TRMT11: variants seen among roughly 807,000 people sequenced by gnomAD.
TRMT11 encodes the protein tRNA methyltransferase 11.
In TRMT11, 53 loss-of-function variants were observed where a neutral mutation model predicts 62.8. The observed-to-expected ratio is 0.84, with a 90% CI of 0.68 to 1.06. TRMT11 has a LOEUF of 1.06. Among genes scored for constraint, TRMT11 ranks in the 50% least tolerant of loss-of-function variants. TRMT11 has a pLI of 0.00. For synonymous variants in TRMT11, 188 were observed against 190.3 expected (o/e 0.99, Z 0.10); for missense variants, 556 against 553.4 (o/e 1.00, Z -0.05).
At chr6:126,097,819 A>G (rs1777357300) in intron 17 of TRMT11, among the ~76,000 whole-genome samples, 1 of 151,806 alleles carries the variant, frequency 6.6e-6, no homozygotes, top group Non-Finnish European at 1.5e-5. Flanking sequence ...TTCTTGGGGC[A>G]GGGGCTGGGG....
chr6:126,267,431 A>G, the TRMT11 span, among the ~76,000 whole-genome samples: 1 of 152,148 alleles, frequency 6.6e-6, no homozygotes, highest in Admixed American at 6.5e-5. Context: ...AAGGCCTTCT[A>G]GTCAATCTCT....
intron 17 of TRMT11, among the ~76,000 whole-genome samples, chr6:126,083,297 A>G (rs911097948): frequency 3.3e-5 from 5 of 152,086 alleles, no homozygotes; most frequent in African/African-American, 9.7e-5. Context: ...TGCCTGGAGT[A>G]CTGTTCATTT....
chr6:126,154,305 T>C (rs1583891721), intron 21 of TRMT11, among the ~76,000 whole-genome samples: 1 of 151,360 alleles, frequency 6.6e-6, no homozygotes, highest in East Asian at 1.9e-4. Flanking sequence ...CTGTTAGTGT[T>C]AGGTATCAGT....
At chr6:126,058,327 C>T (rs140063529) in intron 17 of TRMT11, among the ~76,000 whole-genome samples, 61 of 152,184 alleles carry the variant, frequency 4.0e-4, no homozygotes, top group African/African-American at 1.1e-3. Context: ...GGTGTATATG[C>T]GCCATATTTT....
At chr6:126,265,565 T>C in the TRMT11 span, among the ~76,000 whole-genome samples, 2 of 151,988 alleles carry the variant, frequency 1.3e-5, no homozygotes, top group Admixed American at 6.5e-5. Flanking sequence ...AAATTCTTCA[T>C]GTAAACTTTT....
chr6:126,234,818 C>T, the TRMT11 span, among the ~76,000 whole-genome samples: 34 of 152,088 alleles, frequency 2.2e-4, no homozygotes, highest in Non-Finnish European at 1.6e-4. Context: ...CAAAGCTTTG[C>T]GTTCAAGCCA....
intron 11 of TRMT11, among the ~76,000 whole-genome samples, chr6:126,017,601 CTTCT>C (rs1795174337): frequency 6.6e-6 from 1 of 152,168 alleles, no homozygotes; most frequent in African/African-American, 2.4e-5. Context: ...GATGCCCTTT[CTTCT>C]TTCCTCAACT....
chr6:126,187,957 A>G (rs1778545356), intron 1 of TRMT11, among the ~76,000 whole-genome samples: 1 of 145,352 alleles, frequency 6.9e-6, no homozygotes, highest in Admixed American at 6.6e-5. Flanking sequence ...ACTTCACACC[A>G]TAAATAAAAT....
At chr6:126,168,759 T>C (rs1382056087) in intron 21 of TRMT11, among the ~76,000 whole-genome samples, 1 of 152,182 alleles carries the variant, frequency 6.6e-6, no homozygotes, top group Admixed American at 6.5e-5. Flanking sequence ...CCTTGTGATC[T>C]GCCAGCCTCG....
chr6:126,201,927 C>T (rs1400154018), intron 3 of TRMT11: 2 of 152,192 alleles, frequency 1.3e-5, no homozygotes, highest in East Asian at 3.8e-4. Flanking sequence ...CGTTATTCTA[C>T]TGTATTAAAT....
At chr6:126,172,819 T>C (rs17053802), upstream of TRMT11, among the ~76,000 whole-genome samples, 14,602 of 152,068 alleles carry the variant, frequency 0.096, 2,316 homozygotes, top group African/African-American at 0.33. Context: ...AAGTCTCTGA[T>C]ACATGCAAGA....
At chr6:126,111,728 G>C (rs1047207344) in intron 17 of TRMT11, among the ~76,000 whole-genome samples, 4 of 152,100 alleles carry the variant, frequency 2.6e-5, no homozygotes, top group African/African-American at 9.7e-5. Flanking sequence ...TTTCCCAGTA[G>C]AGCCACTGAC....
chr6:126,002,232 GTATT>G (rs372574942), intron 7 of TRMT11, among the ~76,000 whole-genome samples: 21 of 152,220 alleles, frequency 1.4e-4, no homozygotes, highest in African/African-American at 3.9e-4. Flanking sequence ...AAATATACAT[GTATT>G]TATTCTTATA....
At chr6:126,175,516 T>C (rs1187030509), upstream of TRMT11, among the ~76,000 whole-genome samples, 1 of 152,182 alleles carries the variant, frequency 6.6e-6, no homozygotes, top group Non-Finnish European at 1.5e-5. Flanking sequence ...ATTTAGCTGA[T>C]TGCTAGGTTA....
intron 17 of TRMT11, among the ~76,000 whole-genome samples, chr6:126,053,942 CA>C (rs1360168034): frequency 6.6e-6 from 1 of 152,142 alleles, no homozygotes; most frequent in Non-Finnish European, 1.5e-5. Flanking sequence ...GAGAGAATAG[CA>C]CTGGAAAAGC....
At chr6:126,005,186 T>A (rs1427199831) in intron 7 of TRMT11, among the ~76,000 whole-genome samples, 3 of 152,098 alleles carry the variant, frequency 2.0e-5, no homozygotes, top group Admixed American at 1.3e-4. Flanking sequence ...ATAACACTCT[T>A]ATTAACAGAG....
At chr6:126,137,045 C>G (rs1264078174) in intron 21 of TRMT11, among the ~76,000 whole-genome samples, 1 of 150,816 alleles carries the variant, frequency 6.6e-6, no homozygotes, top group Non-Finnish European at 1.5e-5. Flanking sequence ...TAGTAGAAAA[C>G]ATTGGGGACA....
At chr6:126,093,585 G>GTATATGTATATATATATATATA (rs1777299281) in intron 17 of TRMT11, among the ~76,000 whole-genome samples, 1 of 46,666 alleles carries the variant, frequency 2.1e-5, no homozygotes, top group Non-Finnish European at 3.8e-5. Context: ...GGATATGTAT[G>GTATATGTATATATATATATATA]TATATATATA....
chr6:125,994,140 C>T (rs751494090), intron 2 of TRMT11, among the ~76,000 whole-genome samples: 7 of 152,058 alleles, frequency 4.6e-5, no homozygotes, highest in Admixed American at 1.3e-4. Flanking sequence ...ATGTTGGGCT[C>T]GTGTTGAGAA....
Sources: gnomAD v4.1 joint callset for allele counts (sites outside exome capture counted in the v4.1 genomes callset) on GRCh38, gnomAD v4.1.1 for gene constraint, MANE v1.5 for transcripts, NCBI Gene and HGNC (gene_info 2026-07-23, HGNC 2026-07-21) for gene names.